Variants in MDGA2 observed in about 807,000 individuals in gnomAD.
MDGA2 encodes MAM domain containing glycosylphosphatidylinositol anchor 2.
MDGA2 carries 40 observed loss-of-function variants against 117.8 expected under a neutral mutation model. That is an observed-to-expected ratio of 0.34 (90% CI 0.26 to 0.44). The LOEUF is 0.44. MDGA2 is among the 20% of genes least tolerant of loss of function. MDGA2 has a pLI of 1.00. For missense variants in MDGA2, 1,123 were observed against 1,250.6 expected (o/e 0.90, Z 1.54); for synonymous variants, 452 against 439.0 (o/e 1.03, Z -0.37).
intron 1 of MDGA2, among the ~76,000 whole-genome samples, chr14:47,416,640 A>G (rs1892481514): frequency 6.6e-6 from 1 of 152,160 alleles, no homozygotes; most frequent in Non-Finnish European, 1.5e-5. Context: ...GTGAGGCTCC[A>G]AGTGACTCTA....
At chr14:47,382,335 A>G (rs1235041991) in intron 1 of MDGA2, among the ~76,000 whole-genome samples, 2 of 152,230 alleles carry the variant, frequency 1.3e-5, no homozygotes, top group Non-Finnish European at 2.9e-5. Flanking sequence ...AATGGCAACA[A>G]AAGCCAAAAT....
chr14:46,996,995 TG>T lies in MDGA2; in HGVS notation c.1819+38015del, dbSNP rs1887319085. 7 of 371,712 alleles carry T rather than the reference TG, an allele frequency of 1.9e-5. 1 individual carries two copies. The highest frequency in any genetic ancestry group is 1.8e-4 in the South Asian group (7 of 39,294). The allele number at this position is 371,712 out of a possible 1,614,324, so 23.0% of individuals were successfully genotyped here. A position where few individuals can be genotyped will look rare whatever the true frequency, so the allele number is the denominator to read the frequency against. ...TTCATGCCAGGAAATAGCTTTACAG[TG>T]GCCAAAAACTAGGTGTTGGATTTGA... On this transcript the variant is annotated intron_variant, in intron 8 of 16. Coordinates refer to ENST00000399232, the MANE Select transcript of MDGA2 (RefSeq NM_001113498.3).
At chr14:47,335,732 T>TTA (rs1445554302) in intron 1 of MDGA2, among the ~76,000 whole-genome samples, 2 of 20,556 alleles carry the variant, frequency 9.7e-5, no homozygotes, top group Non-Finnish European at 2.3e-4. Context: ...CACACATATA[T>TTA]TTTATATATA....
chr14:47,107,840 C>T (rs1047636422), intron 5 of MDGA2, among the ~76,000 whole-genome samples: 7 of 151,218 alleles, frequency 4.6e-5, no homozygotes, highest in African/African-American at 7.3e-5. Flanking sequence ...CAGTGGCTGC[C>T]GCTGCTTTAA....
intron 1 of MDGA2, among the ~76,000 whole-genome samples, chr14:47,438,864 G>A (rs539132556): frequency 1.3e-5 from 2 of 152,238 alleles, no homozygotes; most frequent in South Asian, 2.1e-4. Flanking sequence ...GCTTCACTGT[G>A]TCTCTTATGT....
intron 1 of MDGA2, among the ~76,000 whole-genome samples, chr14:47,619,670 C>T (rs1897014649): frequency 1.3e-5 from 2 of 152,176 alleles, no homozygotes; most frequent in South Asian, 4.1e-4. Flanking sequence ...TCCCTGTACT[C>T]ACAGGTCAAG....
At chr14:47,176,723 T>C (rs1884467885) in intron 3 of MDGA2, among the ~76,000 whole-genome samples, 1 of 152,154 alleles carries the variant, frequency 6.6e-6, no homozygotes, top group Non-Finnish European at 1.5e-5. Context: ...GGCATTACCA[T>C]TCAGGACACA....
At chr14:47,176,822 G>C (rs1334021131) in intron 3 of MDGA2, among the ~76,000 whole-genome samples, 1 of 152,102 alleles carries the variant, frequency 6.6e-6, no homozygotes, top group African/African-American at 2.4e-5. Context: ...AAACTAAAGA[G>C]CTTCTGCACA....
rs538338921 is a variant in MDGA2 at position 47,408,141 on chromosome 14, C to T, written c.281-106591G>A. ...CACAATCTTGGCTCAGTGCAACCTC[C>T]ACATCCCGGGTTCAAGCAATTCTCC... On this transcript the variant is annotated intron_variant, in intron 1 of 16. Transcript: ENST00000399232. 2.0e-5 allele frequency among the ~76,000 whole-genome samples: 3 copies of T among 149,992 alleles called. 1 individual carries two copies. Among genetic ancestry groups the T allele is most frequent in the South Asian group, 4.2e-4 (2 of 4,758 alleles).
intron 1 of MDGA2, among the ~76,000 whole-genome samples, chr14:47,525,389 T>C (rs1415216366): frequency 6.6e-6 from 1 of 151,996 alleles, no homozygotes; most frequent in African/African-American, 2.4e-5. Context: ...TGAACAAAAT[T>C]AAAAGAGCCT....
chr14:47,008,784 T>C (rs1442634344), intron 8 of MDGA2, among the ~76,000 whole-genome samples: 1 of 151,986 alleles, frequency 6.6e-6, no homozygotes, highest in African/African-American at 2.4e-5. Flanking sequence ...TTAACAATCA[T>C]TCTATCAGAT....
chr14:47,580,397 C>T (rs1225272366), intron 1 of MDGA2, among the ~76,000 whole-genome samples: 1 of 151,986 alleles, frequency 6.6e-6, no homozygotes, highest in South Asian at 2.1e-4. Context: ...ATCTAATCTC[C>T]TCCTAATGGC....
intron 9 of MDGA2, among the ~76,000 whole-genome samples, chr14:46,929,839 G>A (rs1265411736): frequency 6.7e-6 from 1 of 149,328 alleles, no homozygotes; most frequent in Non-Finnish European, 1.5e-5. Context: ...TTTTTGCCAC[G>A]TTGGCCAGGC....
rs939410707 is a variant in MDGA2 at position 46,910,618 on chromosome 14, G to A, written c.2238+9394C>T. 2.6e-5 allele frequency among the ~76,000 whole-genome samples: 4 copies of A among 152,048 alleles called. No homozygotes were observed. In the East Asian group the frequency reaches 7.7e-4, roughly 29 times the overall value. The stretch of plus-strand genomic sequence containing the variant: ...CCACTCTTAATTCAACATAACAATG[G>A]GAGTTCTGGCCAGAGCAATCAGGCA... On this transcript the variant is annotated intron_variant, in intron 10 of 16. Transcript: ENST00000399232.
chr14:47,492,176 T>G (rs1280600144), intron 1 of MDGA2, among the ~76,000 whole-genome samples: 2 of 152,168 alleles, frequency 1.3e-5, no homozygotes, highest in African/African-American at 4.8e-5. Context: ...ACAACTTTAA[T>G]TAATCTTTAA....
intron 1 of MDGA2, among the ~76,000 whole-genome samples, chr14:47,528,190 C>T (rs1895012405): frequency 6.6e-6 from 1 of 152,212 alleles, no homozygotes; most frequent in African/African-American, 2.4e-5. Context: ...GTGCCTAAGT[C>T]CTCTAGAAGC....
At chr14:46,866,122 C>T (rs1476363807) in intron 14 of MDGA2, among the ~76,000 whole-genome samples, 1 of 150,030 alleles carries the variant, frequency 6.7e-6, no homozygotes. Context: ...GGAGGCATCA[C>T]ACTACCTGAC....
rs541000076 is a variant in MDGA2, at chr14:47,420,206, A to G, written c.281-118656T>C. Among the ~76,000 whole-genome samples, 11 of 152,294 alleles carry G rather than the reference A, an allele frequency of 7.2e-5. No individual in the cohort carries two copies. In the South Asian group the frequency reaches 2.3e-3, roughly 32 times the overall value. On this transcript the variant is annotated intron_variant, in intron 1 of 16. Coordinates refer to ENST00000399232, the MANE Select transcript of MDGA2 (RefSeq NM_001113498.3). ...AGTGATTGTAAATTGAAAGTTACTC[A>G]ATTTAACTGTAATAACTGACAAGAC... is the stretch of plus-strand genomic sequence containing the variant.
intron 13 of MDGA2, 104 bp from the exon 14 acceptor site, chr14:46,873,695 T>A: frequency 9.6e-7 from 1 of 1,039,638 alleles, no homozygotes; most frequent in Non-Finnish European, 1.4e-6. Flanking sequence ...TAAAGATGGA[T>A]AGGAAGATTT....
Sources: allele counts gnomAD v4.1 joint callset (sites outside exome capture counted in the v4.1 genomes callset), GRCh38; gene constraint gnomAD v4.1.1; transcripts MANE v1.5; gene names NCBI Gene and HGNC (gene_info 2026-07-23, HGNC 2026-07-21).